The following ADAMTS3 variants were observed in gnomAD, a reference collection of about 807,000 sequenced individuals.
ADAMTS3 encodes the protein ADAM metallopeptidase with thrombospondin type 1 motif 3, also known as A disintegrin and metalloproteinase with thrombospondin motifs 3.
A neutral mutation model predicts 129.0 loss-of-function variants in ADAMTS3; 73 were observed. The ratio of observed to expected loss-of-function variants is 0.57; its 90% CI spans 0.47 to 0.69. The LOEUF is 0.69. Ranked by LOEUF, ADAMTS3 falls within the 30% of genes least tolerant of loss-of-function variation. ADAMTS3 has a pLI of 0.00. For synonymous variants in ADAMTS3, 477 were observed against 510.8 expected, an observed-to-expected ratio of 0.93 and a Z score of 0.89; for missense variants, 1,457 against 1,514.5, an observed-to-expected ratio of 0.96 and a Z score of 0.63.
intron 3 of ADAMTS3, among the ~76,000 whole-genome samples, chr4:72,518,747 G>C (rs1048920096): frequency 1.8e-4 from 27 of 150,944 alleles, no homozygotes; most frequent in Non-Finnish European, 3.4e-4. Flanking sequence ...ACATGAGATG[G>C]GTTTCCTGAA....
chr4:72,473,357 G>A (rs1002882890), intron 3 of ADAMTS3, among the ~76,000 whole-genome samples: 2 of 151,776 alleles, frequency 1.3e-5, no homozygotes, highest in African/African-American at 4.8e-5. Context: ...CAGATTTGCA[G>A]TGGAAAAAAA....
In ADAMTS3 at chr4:72,403,848, T is replaced by C. The variant is rs115150778; in HGVS notation, c.661+10967A>G. On this transcript the variant is annotated intron_variant, in intron 4 of 21. Transcript: ENST00000286657. ...CGTCAACCACATAAATATTAGAACT[T>C]GCACAATGGGAATAATTTTGGAAAA... 7.4e-3 allele frequency among the ~76,000 whole-genome samples: 1,124 copies of C among 152,092 alleles called. 9 individuals are homozygous for C. Among genetic ancestry groups the C allele is most frequent in the African/African-American group, 0.026 (1,088 of 41,524 alleles).
At chr4:72,446,423 T>A (rs1388237339) in intron 3 of ADAMTS3, among the ~76,000 whole-genome samples, 1 of 151,390 alleles carries the variant, frequency 6.6e-6, no homozygotes, top group African/African-American at 2.4e-5. Flanking sequence ...GCAGGAGAGA[T>A]CATTTCCTCA....
chr4:72,434,285 A>C (rs1578676454), intron 3 of ADAMTS3, among the ~76,000 whole-genome samples: 2 of 152,054 alleles, frequency 1.3e-5, no homozygotes, highest in Admixed American at 6.6e-5. Context: ...TCATTTGCTC[A>C]TTCAGTCATT....
At chr4:72,494,381 C>T (rs1252249110) in intron 3 of ADAMTS3, among the ~76,000 whole-genome samples, 1 of 152,024 alleles carries the variant, frequency 6.6e-6, no homozygotes, top group African/African-American at 2.4e-5. Context: ...TTCTTCATTC[C>T]ATTCATTGTA....
At chr4:72,361,366 C>T (rs1314237107) in intron 4 of ADAMTS3, among the ~76,000 whole-genome samples, 3 of 151,924 alleles carry the variant, frequency 2.0e-5, no homozygotes, top group Non-Finnish European at 4.4e-5. Flanking sequence ...ATATGTCTTA[C>T]AAAACATGGA....
intron 4 of ADAMTS3, among the ~76,000 whole-genome samples, chr4:72,396,172 G>A (rs1721719752): frequency 6.6e-6 from 1 of 152,172 alleles, no homozygotes. Flanking sequence ...GAAACTGGTG[G>A]AGGGTTAGAA....
intron 3 of ADAMTS3, among the ~76,000 whole-genome samples, chr4:72,517,881 T>G (rs2109735882): frequency 6.6e-6 from 1 of 151,494 alleles, no homozygotes; most frequent in South Asian, 2.1e-4. Flanking sequence ...TCTGCTAGCT[T>G]TTGAATGTGT....
intron 3 of ADAMTS3, among the ~76,000 whole-genome samples, chr4:72,526,049 C>T (rs1720798287): frequency 2.0e-5 from 3 of 152,098 alleles, no homozygotes; most frequent in Admixed American, 1.3e-4. Context: ...AGGGCTTTAC[C>T]CAAAGCAGGA....
intron 4 of ADAMTS3, among the ~76,000 whole-genome samples, chr4:72,391,865 G>GA (rs966743970): frequency 3.8e-4 from 58 of 151,210 alleles, no homozygotes; most frequent in African/African-American, 9.7e-4. Flanking sequence ...ACTTCTGCAG[G>GA]AAAAAAAAAT....
At chr4:72,488,013 T>G (rs554679748) in intron 3 of ADAMTS3, among the ~76,000 whole-genome samples, 1 of 152,182 alleles carries the variant, frequency 6.6e-6, no homozygotes, top group African/African-American at 2.4e-5. Context: ...CCAAATATTG[T>G]GCACTTTGGT....
chr4:72,472,085 T>G (rs2109994844), intron 3 of ADAMTS3, among the ~76,000 whole-genome samples: 1 of 152,216 alleles, frequency 6.6e-6, no homozygotes, highest in African/African-American at 2.4e-5. Context: ...AAATAAGAAC[T>G]GAGTTTAACA....
chr4:72,531,950 T>C (rs763564955), intron 3 of ADAMTS3, among the ~76,000 whole-genome samples: 8 of 151,634 alleles, frequency 5.3e-5, no homozygotes, highest in Admixed American at 2.6e-4. Flanking sequence ...AAAGAGGGAG[T>C]TAAAGTTGTG....
chr4:72,393,203 C>T (rs1201015491), intron 4 of ADAMTS3, among the ~76,000 whole-genome samples: 1 of 152,076 alleles, frequency 6.6e-6, no homozygotes, highest in Non-Finnish European at 1.5e-5. Context: ...GGATTACAGG[C>T]GTGAGCCACC....
intron 5 of ADAMTS3, among the ~76,000 whole-genome samples, chr4:72,333,921 C>A (rs543221320): frequency 8.1e-6 from 1 of 123,076 alleles, no homozygotes; most frequent in South Asian, 2.8e-4. Flanking sequence ...GCGATCTAGG[C>A]TCACTGCAAG....
At chr4:72,429,255 T>C (rs1012870328) in intron 3 of ADAMTS3, among the ~76,000 whole-genome samples, 4 of 152,234 alleles carry the variant, frequency 2.6e-5, no homozygotes, top group Admixed American at 1.3e-4. Flanking sequence ...AATTCAACTA[T>C]ATGTAATAAT....
intron 3 of ADAMTS3, among the ~76,000 whole-genome samples, chr4:72,435,484 G>GA (rs1216367242): frequency 6.6e-6 from 1 of 151,740 alleles, no homozygotes; most frequent in Non-Finnish European, 1.5e-5. Context: ...CCTGCATTTT[G>GA]AAAAAATAAT....
At chr4:72,435,338 T>C (rs554858851) in intron 3 of ADAMTS3, among the ~76,000 whole-genome samples, 1 of 151,910 alleles carries the variant, frequency 6.6e-6, no homozygotes, top group South Asian at 2.1e-4. Flanking sequence ...CAAATAAATC[T>C]TAGCAAGTAA....
chr4:72,530,081 T>TTATA (rs1491382114), intron 3 of ADAMTS3, among the ~76,000 whole-genome samples: 205 of 3,492 alleles, frequency 0.059, 90 homozygotes, highest in African/African-American at 0.34. Context: ...ACATATTATA[T>TTATA]TTATATATAA....
Sources: allele counts gnomAD v4.1 joint callset (sites outside exome capture counted in the v4.1 genomes callset), GRCh38; gene constraint gnomAD v4.1.1; transcripts MANE v1.5; gene names NCBI Gene and HGNC (gene_info 2026-07-23, HGNC 2026-07-21).